Variants in PRKCG observed in about 807,000 individuals in gnomAD.
PRKCG encodes the protein protein kinase C gamma.
PRKCG carries 28 observed loss-of-function variants against 82.0 expected under a neutral mutation model. That is an observed-to-expected ratio of 0.34 (90% confidence interval 0.25 to 0.47). The LOEUF is 0.47. PRKCG is among the 20% of genes least tolerant of loss of function. The probability of loss-of-function intolerance (pLI) is 1.00; values close to 1 mark genes in which losing one functional copy is unlikely to be tolerated. For missense variants in PRKCG, 640 were observed against 952.7 expected (o/e 0.67, Z 4.32); for synonymous variants, 383 against 376.6 (o/e 1.02, Z -0.20).
In PRKCG at chr19:53,906,493, T is replaced by G. The variant is rs1468453394; in HGVS notation, c.1905+36T>G. On this transcript the variant is annotated intron_variant, in intron 17 of 17. Transcript: ENST00000263431. ...CTCCAGGCAACAAAAACCTGGTCCC[T>G]GAAGGGGTGGGGTTCCCCTGGGCCT... 6 of 1,568,836 alleles carry G rather than the reference T, an allele frequency of 3.8e-6. No individual in the cohort carries two copies. In the African/African-American group the frequency reaches 8.2e-5, roughly 21 times the overall value.
chr19:53,882,315 G>T lies in PRKCG; in HGVS notation c.-180G>T, dbSNP rs1731499396. The T allele has an allele frequency of 1.1e-6, 1 of 885,050 alleles. No homozygotes were observed. The highest frequency in any genetic ancestry group is 1.7e-6 in the Non-Finnish European group (1 of 584,344). 54.8% of individuals were successfully genotyped at this position (885,050 alleles called of 1,614,324 possible). ...GCCCGCTCCCCCTGGCGGAGCCGGC[G>T]CGCCCGGGGTGCCGCTCCCTGCCTG... On this transcript the variant is annotated 5_prime_UTR_variant, in exon 1 of 18. Coordinates refer to ENST00000263431, the MANE Select transcript of PRKCG (RefSeq NM_002739.5). The surrounding 1 kb of genome is among the most constrained non-coding windows in gnomAD (Gnocchi z 6.1).
Position 53,906,872 on chromosome 19 carries a change from C to T in PRKCG, c.2071C>T (p.Pro691Ser). ...CCCGGATGCCCGCAGCCCCACCAGC[C>T]CAGTGCCTGTGCCCGTCATGTAATC... ...VHPDARSPTS[P>S]VPVPVM is the part of the protein sequence containing the mutation. Residue 691 changes from proline to serine, a missense_variant, in exon 18 of 18, where the codon CCA (proline) becomes TCA (serine). By Grantham distance (74) the Pro-to-Ser change is moderately conservative. Around this residue, in one of 7 missense-constraint regions of PRKCG, gnomAD observed 198 missense variants for 273.4 expected, o/e 0.72. Transcript: ENST00000263431. 1 of 1,613,586 alleles carries T rather than the reference C, an allele frequency of 6.2e-7. No individual in the cohort carries two copies. Among genetic ancestry groups the T allele is most frequent in the Non-Finnish European group, 8.5e-7 (1 of 1,179,958 alleles).
Position 53,907,293 on chromosome 19 carries a change from G to A in PRKCG, c.*398G>A. 1 of 303,344 alleles carries A rather than the reference G, an allele frequency of 3.3e-6. No homozygotes were observed. The highest frequency in any genetic ancestry group is 3.3e-5 in the South Asian group (1 of 29,928). 18.8% of individuals were successfully genotyped at this position (303,344 alleles called of 1,614,324 possible). A position where few individuals can be genotyped will look rare whatever the true frequency, so the allele number is the denominator to read the frequency against. On this transcript the variant is annotated 3_prime_UTR_variant, in exon 18 of 18. Transcript: ENST00000263431. ...ACGGGGTTGGCTGTTCCAGACTCAG[G>A]TTCCAGAACAGCCCTCGGCCTCCGA... is the stretch of plus-strand genomic sequence containing the variant.
Position 53,884,023 on chromosome 19 carries a change from T to G in PRKCG, c.203-138T>G. The G allele has an allele frequency of 1.2e-6, 1 of 813,164 alleles. No individual in the cohort carries two copies. Among genetic ancestry groups the G allele is most frequent in the Non-Finnish European group, 2.1e-6 (1 of 483,630 alleles). The allele number at this position is 813,164 out of a possible 1,614,324, so 50.4% of individuals were successfully genotyped here. A position where few individuals can be genotyped will look rare whatever the true frequency, so the allele number is the denominator to read the frequency against. On this transcript the variant is annotated intron_variant, in intron 2 of 17. Transcript: ENST00000263431. The surrounding 1 kb of genome is among the most constrained non-coding windows in gnomAD (Gnocchi z 4.6). ...GCCTCCGATTTTCTCTCTGTTGGACTCTCTGTGTTGAGATCCCTCTCTTTC... is the reference window on the plus strand; with the variant it reads ...GCCTCCGATTTTCTCTCTGTTGGACGCTCTGTGTTGAGATCCCTCTCTTTC...
intron 9 of PRKCG, among the ~76,000 whole-genome samples, chr19:53,893,819 T>A (rs1441471364): frequency 6.6e-6 from 1 of 152,084 alleles, no homozygotes; most frequent in Non-Finnish European, 1.5e-5. Context: ...AATGGCACAA[T>A]CTCGCCTCAC....
In PRKCG at chr19:53,892,719, G is replaced by A; in HGVS notation, c.821+76G>A. 1 of 1,542,924 alleles carries A rather than the reference G, an allele frequency of 6.5e-7. No homozygotes were observed. The highest frequency in any genetic ancestry group is 1.2e-5 in the South Asian group (1 of 83,270). ...ATCTGTGTGTGGTCTCTCTCCTCCA[G>A]GCCACTGTCCTTCCCTCTGCCTCCC... On this transcript the variant is annotated intron_variant, in intron 7 of 17. Transcript: ENST00000263431. This position sits in a 1 kb window ranked among gnomAD's most constrained non-coding sequence, Gnocchi z 5.9.
Position 53,882,792 on chromosome 19 carries a change from G to GGAAC in PRKCG, c.170+130_170+133dup. 7.6e-7 allele frequency: 1 copy of GGAAC among 1,313,914 alleles called. No individual in the cohort carries two copies. The highest frequency in any genetic ancestry group is 1.5e-5 in the South Asian group (1 of 66,830). 81.4% of individuals were successfully genotyped at this position (1,313,914 alleles called of 1,614,324 possible). A position where few individuals can be genotyped will look rare whatever the true frequency, so the allele number is the denominator to read the frequency against. ...GACTCCCAGGTTCTAGGATGGCCAG[G>GGAAC]GAACGCTGGGAGCTTCGACTCCTGG... On this transcript the variant is annotated intron_variant, in intron 1 of 17. Coordinates refer to ENST00000263431, the MANE Select transcript of PRKCG (RefSeq NM_002739.5). The surrounding 1 kb of genome is among the most constrained non-coding windows in gnomAD (Gnocchi z 6.1).
chr19:53,882,888 C>G lies in PRKCG; in HGVS notation c.170+224C>G, dbSNP rs560222923. Among the ~76,000 whole-genome samples, 1 of 151,612 alleles carries G rather than the reference C, an allele frequency of 6.6e-6. No homozygotes were observed. Among genetic ancestry groups the G allele is most frequent in the East Asian group, 2.0e-4 (1 of 5,128 alleles). Reference sequence around the variant, plus strand: ...GAGGAGGAGGCTGGAGGACAGAGGTCCTGGAGTCTTGGGTCTGAGGGAGGA... The same window carrying G: ...GAGGAGGAGGCTGGAGGACAGAGGTGCTGGAGTCTTGGGTCTGAGGGAGGA... On this transcript the variant is annotated intron_variant, in intron 1 of 17. Transcript: ENST00000263431. This position sits in a 1 kb window ranked among gnomAD's most constrained non-coding sequence, Gnocchi z 6.1.
At position 53,892,758 on chromosome 19, in the gene PRKCG, ACAC is replaced by A; in HGVS notation, c.821+116_821+118del. The A allele has an allele frequency of 9.0e-7, 1 of 1,114,666 alleles. No homozygotes were observed. The highest frequency in any genetic ancestry group is 1.3e-6 in the Non-Finnish European group (1 of 787,526). 69.0% of individuals were successfully genotyped at this position (1,114,666 alleles called of 1,614,324 possible). A position where few individuals can be genotyped will look rare whatever the true frequency, so the allele number is the denominator to read the frequency against. ...CCTCTGCCTCCCAGCATGCGCACAC[ACAC>A]ACACACACACACACACACACGCACA... On this transcript the variant is annotated intron_variant, in intron 7 of 17. Coordinates refer to ENST00000263431, the MANE Select transcript of PRKCG (RefSeq NM_002739.5). The surrounding 1 kb of genome is among the most constrained non-coding windows in gnomAD (Gnocchi z 5.9).
rs973804558 is a variant in PRKCG at position 53,889,113 on chromosome 19, C to T, written c.286-525C>T. 3.3e-5 allele frequency among the ~76,000 whole-genome samples: 5 copies of T among 152,010 alleles called. No homozygotes were observed. Among genetic ancestry groups the T allele is most frequent in the African/African-American group, 7.3e-5 (3 of 41,360 alleles). ...GATTACAGGCATGCACCACCATGTC[C>T]GGCTAATTTTTGTATTTTTAGTAGA... On this transcript the variant is annotated intron_variant, in intron 3 of 17. Transcript: ENST00000263431. The surrounding 1 kb of genome is among the most constrained non-coding windows in gnomAD (Gnocchi z 4.4).
Position 53,882,473 on chromosome 19 carries a change from T to C in PRKCG, c.-22T>C. ...TCCCCCAAGAAAGGCAGGATCCTGG[T>C]CCCTGCTACGTTTCTGGGGCCATGG... On this transcript the variant is annotated 5_prime_UTR_variant, in exon 1 of 18. Transcript: ENST00000263431. The surrounding 1 kb of genome is among the most constrained non-coding windows in gnomAD (Gnocchi z 6.1). 1 of 1,609,666 alleles carries C rather than the reference T, an allele frequency of 6.2e-7. No homozygotes were observed. The highest frequency in any genetic ancestry group is 8.5e-7 in the Non-Finnish European group (1 of 1,177,994).
intron 3 of PRKCG, among the ~76,000 whole-genome samples, chr19:53,886,407 T>C (rs1344484406): frequency 6.9e-6 from 1 of 145,328 alleles, no homozygotes; most frequent in Non-Finnish European, 1.5e-5. Flanking sequence ...CCCAGCCGAT[T>C]TTTGGGGTTT....
chr19:53,889,930 TC>T lies in PRKCG; in HGVS notation c.445del (p.Leu149CysfsTer27). On this transcript the variant is annotated frameshift_variant, in exon 5 of 18. Transcript: ENST00000263431. LOFTEE classifies it high-confidence loss of function. This position sits in a 1 kb window ranked among gnomAD's most constrained non-coding sequence, Gnocchi z 4.4. ...VHRRCVRSVPSLCGVDHTERR... is the reference protein window; with the variant it reads ...VHRRCVRSVPXLCGVDHTERR... ...CCGGCGCTGTGTGCGTAGCGTGCCC[TC>T]CCTGTGCGGTGTGGACCACACCGAG... 6.3e-7 allele frequency: 1 copy of T among 1,582,822 alleles called. No individual in the cohort carries two copies. The highest frequency in any genetic ancestry group is 8.6e-7 in the Non-Finnish European group (1 of 1,165,522).
intron 9 of PRKCG, among the ~76,000 whole-genome samples, chr19:53,894,214 C>T (rs918474912): frequency 6.6e-6 from 1 of 152,010 alleles, no homozygotes; most frequent in African/African-American, 2.4e-5. Context: ...TACAGGCGCC[C>T]ACCACCATGC....
chr19:53,906,588 A>C, intron 17 of PRKCG, 119 bp from the exon 18 acceptor site: 1 of 1,553,780 alleles, frequency 6.4e-7, no homozygotes, highest in East Asian at 2.3e-5. Context: ...GGAGGTGCAG[A>C]CACCATGAAG....
chr19:53,902,270 T>C (rs1434695105), intron 14 of PRKCG, among the ~76,000 whole-genome samples: 1 of 151,844 alleles, frequency 6.6e-6, no homozygotes, highest in Non-Finnish European at 1.5e-5. Context: ...AAAAATTAGC[T>C]GGACATGGTG....
chr19:53,888,729 C>A (rs2068649802), intron 3 of PRKCG, among the ~76,000 whole-genome samples: 1 of 151,986 alleles, frequency 6.6e-6, no homozygotes, highest in Non-Finnish European at 1.5e-5. Context: ...TCATGTTCTC[C>A]ATTCCACCTG....
At position 53,900,895 on chromosome 19, in the gene PRKCG, C is replaced by T; in HGVS notation, c.1575+146C>T. 7.0e-7 allele frequency: 1 copy of T among 1,419,960 alleles called. No individual in the cohort carries two copies. 88.0% of individuals were successfully genotyped at this position (1,419,960 alleles called of 1,614,324 possible). A position where few individuals can be genotyped will look rare whatever the true frequency, so the allele number is the denominator to read the frequency against. ...TTACACAGCCAGTCGTTCCTCCAGC[C>T]TCCAGCACAGGTGAGCTTGGCACTG... On this transcript the variant is annotated intron_variant, in intron 14 of 17. Transcript: ENST00000263431. This position sits in a 1 kb window ranked among gnomAD's most constrained non-coding sequence, Gnocchi z 4.2.
rs899190633 is a variant in PRKCG at position 53,883,622 on chromosome 19, G to A, written c.202+428G>A. Among the ~76,000 whole-genome samples, 1 of 146,508 alleles carries A rather than the reference G, an allele frequency of 6.8e-6. No homozygotes were observed. The highest frequency in any genetic ancestry group is 1.5e-5 in the Non-Finnish European group (1 of 66,466). Reference sequence around the variant, plus strand: ...AATGGGCGAGTGGGGGCCGGGCGGGGCCGGCAGTTCTGGGGGGCGGGAGAG... The same window carrying A: ...AATGGGCGAGTGGGGGCCGGGCGGGACCGGCAGTTCTGGGGGGCGGGAGAG... On this transcript the variant is annotated intron_variant, in intron 2 of 17. Coordinates refer to ENST00000263431, the MANE Select transcript of PRKCG (RefSeq NM_002739.5). This position sits in a 1 kb window ranked among gnomAD's most constrained non-coding sequence, Gnocchi z 5.4.
Sources: gnomAD v4.1 joint callset for allele counts (sites outside exome capture counted in the v4.1 genomes callset) on GRCh38, gnomAD v4.1.1 for gene constraint, gnomAD v4.1.1 regional missense constraint, Gnocchi (gnomAD v3.1) non-coding constraint, MANE v1.5 for transcripts, NCBI Gene and HGNC (gene_info 2026-07-23, HGNC 2026-07-21) for gene names.